The following SEMA5A variants were observed in gnomAD, a reference collection of about 807,000 sequenced individuals.
SEMA5A encodes the protein semaphorin 5A, also known as semaphorin-5A.
Under a neutral mutation model 135.5 loss-of-function variants are expected in SEMA5A, and 55 were observed. That is an observed-to-expected ratio of 0.41 (90% CI 0.33 to 0.51). The LOEUF (loss-of-function observed/expected upper bound fraction) is 0.51, where lower values mean the gene tolerates loss of function less well. Among genes scored for constraint, SEMA5A ranks in the 20% least tolerant of loss-of-function variants. The pLI is 0.37. For missense variants in SEMA5A, 1,290 were observed against 1,419.9 expected (o/e 0.91, Z 1.47); for synonymous variants, 580 against 546.5 (o/e 1.06, Z -0.85).
chr5:9,293,851 AT>A (rs1342607229), intron 5 of SEMA5A, among the ~76,000 whole-genome samples: 1 of 152,190 alleles, frequency 6.6e-6, no homozygotes, highest in Non-Finnish European at 1.5e-5. Flanking sequence ...TGAATACATA[AT>A]TAAATAAAAA....
At chr5:9,217,668 C>T (rs1465248078) in intron 8 of SEMA5A, among the ~76,000 whole-genome samples, 2 of 152,200 alleles carry the variant, frequency 1.3e-5, no homozygotes, top group Admixed American at 6.5e-5. Flanking sequence ...TTACATAATC[C>T]CACAATTCTC....
intron 16 of SEMA5A, among the ~76,000 whole-genome samples, chr5:9,101,646 G>T (rs1346851816): frequency 2.0e-5 from 3 of 152,096 alleles, no homozygotes; most frequent in African/African-American, 7.2e-5. Flanking sequence ...CATGAGCAAT[G>T]GATAAACTTA....
At chr5:9,197,741 TG>T (rs1745481597) in intron 9 of SEMA5A, among the ~76,000 whole-genome samples, 3 of 98,932 alleles carry the variant, frequency 3.0e-5, no homozygotes, top group African/African-American at 1.0e-4. Flanking sequence ...TGTGTGTGTG[TG>T]TGTGTGTGTG....
At chr5:9,285,577 T>G (rs1226847623) in intron 5 of SEMA5A, among the ~76,000 whole-genome samples, 1 of 152,154 alleles carries the variant, frequency 6.6e-6, no homozygotes, top group Non-Finnish European at 1.5e-5. Context: ...TAGCCAGGCT[T>G]GGTTCTTCTC....
At chr5:9,362,584 G>A (rs1000202897) in intron 3 of SEMA5A, among the ~76,000 whole-genome samples, 1 of 152,084 alleles carries the variant, frequency 6.6e-6, no homozygotes, top group African/African-American at 2.4e-5. Flanking sequence ...TTTTAAGTCC[G>A]TCCTTTCAAT....
chr5:9,251,052 G>A (rs1561071887), intron 5 of SEMA5A, among the ~76,000 whole-genome samples: 1 of 152,146 alleles, frequency 6.6e-6, no homozygotes, highest in Non-Finnish European at 1.5e-5. Flanking sequence ...CCTACTAAAT[G>A]GGACTAATGC....
chr5:9,365,459 T>A (rs530293712), intron 3 of SEMA5A, among the ~76,000 whole-genome samples: 1 of 152,054 alleles, frequency 6.6e-6, no homozygotes, highest in Admixed American at 6.5e-5. Context: ...AAATCTAGAG[T>A]GCTGTTCATC....
At chr5:9,066,692 G>A (rs1467684923) in intron 16 of SEMA5A, 46 bp from the exon 17 acceptor site, 3 of 1,531,078 alleles carry the variant, frequency 2.0e-6, no homozygotes, top group Non-Finnish European at 2.7e-6. Flanking sequence ...GGTAAACAGA[G>A]CAACCTCACG....
chr5:9,099,129 C>T lies in SEMA5A; in HGVS notation c.2073+9011G>A, dbSNP rs544159241. Among the ~76,000 whole-genome samples, 14 of 152,180 alleles carry T rather than the reference C, an allele frequency of 9.2e-5. No individual in the cohort carries two copies. The Middle Eastern group carries it at 0.01, about 111-fold the overall frequency. On this transcript the variant is annotated intron_variant, in intron 16 of 22. Transcript: ENST00000382496. ...GAGGCAGACTCTTGATGGATTAATT[C>T]CTATAATCCATCATTTTTCTTTTCT...
rs571586066 is a variant in SEMA5A at position 9,076,705 on chromosome 5, TTA to T, written c.2074-10061_2074-10060del. On this transcript the variant is annotated intron_variant, in intron 16 of 22. Transcript: ENST00000382496. ...ATCATCGTAATTTTTTTCATGGCAT[TTA>T]TGTTTGCTTATTTAGGACTGAATAT... Among the ~76,000 whole-genome samples, 169 of 152,314 alleles carry T rather than the reference TTA, an allele frequency of 1.1e-3. 1 individual carries two copies. The highest frequency in any genetic ancestry group is 2.8e-3 in the Admixed American group (43 of 15,284).
chr5:9,526,599 T>C (rs898766449), intron 1 of SEMA5A, among the ~76,000 whole-genome samples: 1 of 152,208 alleles, frequency 6.6e-6, no homozygotes, highest in Non-Finnish European at 1.5e-5. Flanking sequence ...TTTCTTCTCA[T>C]GAACTTGTTA....
chr5:9,475,800 C>G (rs564103185), intron 1 of SEMA5A, among the ~76,000 whole-genome samples: 1 of 152,306 alleles, frequency 6.6e-6, no homozygotes, highest in South Asian at 2.1e-4. Flanking sequence ...TTAATAAGTG[C>G]TCCATTAATG....
intron 4 of SEMA5A, among the ~76,000 whole-genome samples, chr5:9,319,458 A>T (rs1248059789): frequency 6.6e-6 from 1 of 152,112 alleles, no homozygotes; most frequent in Non-Finnish European, 1.5e-5. Flanking sequence ...CACAGAAAAA[A>T]GATAGATTAG....
chr5:9,070,747 T>G (rs140470426), intron 16 of SEMA5A, among the ~76,000 whole-genome samples: 96 of 152,330 alleles, frequency 6.3e-4, no homozygotes, highest in African/African-American at 2.2e-3. Flanking sequence ...TTCTCATGGT[T>G]CAAAATTTAA....
intron 4 of SEMA5A, among the ~76,000 whole-genome samples, chr5:9,318,924 C>A (rs989156924): frequency 6.6e-6 from 1 of 152,178 alleles, no homozygotes; most frequent in African/African-American, 2.4e-5. Flanking sequence ...TTGGGCCCGG[C>A]ATGGTGGTTC....
chr5:9,462,683 G>T (rs899497873), intron 1 of SEMA5A, among the ~76,000 whole-genome samples: 1 of 152,122 alleles, frequency 6.6e-6, no homozygotes, highest in African/African-American at 2.4e-5. Context: ...CAGGAACATG[G>T]ATGGAGCTGG....
Position 9,062,951 on chromosome 5 carries a change from A to G in SEMA5A, c.2454T>C (p.Tyr818=), listed in dbSNP as rs368387042. ...KRVCNNPEPK[Y]GGMPCLGPSL... ...ATGGGCCAAGGCAAGGCATTCCCCC[A>G]TACTTGGGTTCGGGGTTGTTGCAAA... Residue 818 remains tyrosine, a synonymous_variant, in exon 18 of 23, where the codon TAT becomes TAC. Transcript: ENST00000382496. 1.2e-6 allele frequency: 2 copies of G among 1,614,232 alleles called. No individual in the cohort carries two copies. The highest frequency in any genetic ancestry group is 1.1e-5 in the South Asian group (1 of 91,088).
chr5:9,354,771 TAGAGTCTGTGAGGAAGGCCAGTCTGTGC>T (rs1219663064), intron 3 of SEMA5A, among the ~76,000 whole-genome samples: 3 of 152,020 alleles, frequency 2.0e-5, no homozygotes, highest in Non-Finnish European at 4.4e-5. Flanking sequence ...AGCAACATGG[TAGAGTCTGTGAGGAAGGCCAGTCTGTGC>T]AGGTAACATT....
Position 9,269,537 on chromosome 5 carries a change from C to A in SEMA5A, c.271-31647G>T, listed in dbSNP as rs534124876. Among the ~76,000 whole-genome samples the A allele has an allele frequency of 6.6e-5, 10 of 152,036 alleles. No homozygotes were observed. The South Asian group carries it at 2.1e-3, about 32-fold the overall frequency. ...AAATATGGGGAGAAAATAATAAATGCCCTAATTACCAAAAAATGGTGAGGT... is the reference window on the plus strand; with the variant it reads ...AAATATGGGGAGAAAATAATAAATGACCTAATTACCAAAAAATGGTGAGGT... On this transcript the variant is annotated intron_variant, in intron 5 of 22. Transcript: ENST00000382496.
Sources: allele counts gnomAD v4.1 joint callset (sites outside exome capture counted in the v4.1 genomes callset), GRCh38; gene constraint gnomAD v4.1.1; transcripts MANE v1.5; gene names NCBI Gene and HGNC (gene_info 2026-07-23, HGNC 2026-07-21).